The following TBCK variants were observed in gnomAD, a reference collection of about 807,000 sequenced individuals.
TBCK encodes the protein TBC1 domain containing kinase, also known as TBC domain-containing protein kinase-like protein.
Under a neutral mutation model 113.4 loss-of-function variants are expected in TBCK, and 99 were observed. The observed-to-expected ratio is 0.87, with a 90% CI of 0.74 to 1.03. The LOEUF (loss-of-function observed/expected upper bound fraction) is 1.03. Among genes scored for constraint, TBCK ranks in the 50% least tolerant of loss-of-function variants. TBCK has a pLI of 0.00. For missense variants in TBCK, 1,045 were observed against 1,061.3 expected (o/e 0.98, Z 0.21); for synonymous variants, 369 against 370.8 (o/e 1.00, Z 0.05).
intron 22 of TBCK, among the ~76,000 whole-genome samples, chr4:106,181,957 G>A (rs905942373): frequency 6.6e-6 from 1 of 152,142 alleles, no homozygotes; most frequent in African/African-American, 2.4e-5. Flanking sequence ...ATTACTTTGG[G>A]CAGTAAGGCT....
chr4:106,197,411 G>GTGTATATATATATATA (rs35695611), intron 20 of TBCK, among the ~76,000 whole-genome samples: 124 of 122,442 alleles, frequency 1.0e-3, no homozygotes, highest in Admixed American at 1.8e-3. Context: ...GTGTGTGTGT[G>GTGTATATATATATATA]TATATATATA....
rs925949380 is a variant in TBCK at position 106,141,898 on chromosome 4, G to T, written c.2236-25520C>A. On this transcript the variant is annotated intron_variant, in intron 23 of 25. Coordinates refer to ENST00000394708, the MANE Select transcript of TBCK (RefSeq NM_001163435.3). ...ATTCTACAATTTATGTAGAAACACAGCACCAAACACATGGTATAATTATAA... is the reference window on the plus strand; with the variant it reads ...ATTCTACAATTTATGTAGAAACACATCACCAAACACATGGTATAATTATAA... Among the ~76,000 whole-genome samples the T allele has an allele frequency of 2.8e-5, 4 of 140,632 alleles. 1 individual carries two copies. The highest frequency in any genetic ancestry group is 7.0e-5 in the Admixed American group (1 of 14,278). 92.3% of individuals were successfully genotyped at this position (140,632 alleles called of 152,430 possible). A position where few individuals can be genotyped will look rare whatever the true frequency, so the allele number is the denominator to read the frequency against.
At chr4:106,256,037 A>G (rs563621106) in intron 5 of TBCK, among the ~76,000 whole-genome samples, 1 of 152,206 alleles carries the variant, frequency 6.6e-6, no homozygotes, top group South Asian at 2.1e-4. Flanking sequence ...GCTCCTCTCT[A>G]CAGCTGGCCA....
intron 23 of TBCK, among the ~76,000 whole-genome samples, chr4:106,126,277 G>A (rs1011628200): frequency 5.3e-5 from 8 of 152,068 alleles, no homozygotes; most frequent in African/African-American, 1.9e-4. Context: ...ATAATGAGAT[G>A]AGTCATTTCC....
intron 1 of TBCK, among the ~76,000 whole-genome samples, chr4:106,309,666 A>C (rs1767972783): frequency 6.6e-6 from 1 of 152,092 alleles, no homozygotes. Flanking sequence ...CTTCCTTCTC[A>C]TACAGTGAGG....
At chr4:106,248,047 C>T (rs556550588) in intron 9 of TBCK, 198 bp downstream of exon 9, 4 of 381,684 alleles carry the variant, frequency 1.0e-5, no homozygotes, top group East Asian at 8.2e-5. Flanking sequence ...GTTTTCTGAC[C>T]GTAGTTTAAC....
intron 25 of TBCK, among the ~76,000 whole-genome samples, chr4:106,051,384 C>G (rs1262541801): frequency 6.6e-6 from 1 of 151,936 alleles, no homozygotes; most frequent in Non-Finnish European, 1.5e-5. Context: ...TGACAAAGCT[C>G]AAACAGAGAA....
intron 23 of TBCK, among the ~76,000 whole-genome samples, chr4:106,170,288 T>G (rs764980670): frequency 1.3e-5 from 2 of 152,130 alleles, no homozygotes; most frequent in Non-Finnish European, 2.9e-5. Flanking sequence ...TCTTATTCTT[T>G]TCTCTCTCAG....
chr4:106,088,931 C>T (rs758730467), intron 25 of TBCK, among the ~76,000 whole-genome samples: 5 of 152,036 alleles, frequency 3.3e-5, no homozygotes, highest in Non-Finnish European at 4.4e-5. Flanking sequence ...CTGTTGGGTG[C>T]TGGTGGGCGA....
intron 17 of TBCK, among the ~76,000 whole-genome samples, chr4:106,232,291 C>T (rs1173503511): frequency 6.6e-6 from 1 of 151,742 alleles, no homozygotes; most frequent in African/African-American, 2.4e-5. Flanking sequence ...AATCTACCTA[C>T]AACTGTTAGG....
At chr4:106,260,724 A>T (rs1560927334) in intron 4 of TBCK, among the ~76,000 whole-genome samples, 1 of 151,998 alleles carries the variant, frequency 6.6e-6, no homozygotes, top group Non-Finnish European at 1.5e-5. Flanking sequence ...ATATGTATAT[A>T]TGCATATGTA....
intron 25 of TBCK, among the ~76,000 whole-genome samples, chr4:106,077,937 A>T (rs1418375601): frequency 6.6e-6 from 1 of 152,244 alleles, no homozygotes; most frequent in African/African-American, 2.4e-5. Flanking sequence ...AAAAAATTGA[A>T]ATCATACCAA....
At chr4:106,186,807 T>C (rs1212224095) in intron 22 of TBCK, among the ~76,000 whole-genome samples, 1 of 152,138 alleles carries the variant, frequency 6.6e-6, no homozygotes, top group African/African-American at 2.4e-5. Flanking sequence ...CATAAATACT[T>C]TCCCAAGGCC....
At chr4:106,174,766 G>T (rs1405227376) in intron 22 of TBCK, among the ~76,000 whole-genome samples, 1 of 151,888 alleles carries the variant, frequency 6.6e-6, no homozygotes, top group Non-Finnish European at 1.5e-5. Flanking sequence ...CATACTCTGT[G>T]AGATTTCCTA....
chr4:106,219,270 A>C (rs1211811561), intron 19 of TBCK, among the ~76,000 whole-genome samples: 1 of 151,200 alleles, frequency 6.6e-6, no homozygotes, highest in Non-Finnish European at 1.5e-5. Flanking sequence ...ACCTAATGCT[A>C]GATGACGAGT....
chr4:106,088,560 C>T (rs1739786560), intron 25 of TBCK, among the ~76,000 whole-genome samples: 1 of 152,080 alleles, frequency 6.6e-6, no homozygotes, highest in Admixed American at 6.5e-5. Flanking sequence ...GATCTAGAAC[C>T]AGAAAAACCA....
At chr4:106,216,711 T>G (rs1654757367) in intron 19 of TBCK, among the ~76,000 whole-genome samples, 2 of 152,126 alleles carry the variant, frequency 1.3e-5, no homozygotes, top group South Asian at 2.1e-4. Flanking sequence ...GATCTGAGAT[T>G]GTGGCAATAA....
chr4:106,185,223 CTA>C (rs1752877591), intron 22 of TBCK, among the ~76,000 whole-genome samples: 2 of 152,028 alleles, frequency 1.3e-5, no homozygotes, highest in Non-Finnish European at 2.9e-5. Context: ...GTCATTCCCT[CTA>C]TGCTATAAAC....
Position 106,048,797 on chromosome 4 carries a change from G to T in TBCK, c.2572-2117C>A, listed in dbSNP as rs188100968. Among the ~76,000 whole-genome samples, 89 of 152,248 alleles carry T rather than the reference G, an allele frequency of 5.8e-4. 3 individuals are homozygous for T. Among genetic ancestry groups the T allele is most frequent in the Admixed American group, 1.7e-3 (26 of 15,282 alleles). On this transcript the variant is annotated intron_variant, in intron 25 of 25. Transcript: ENST00000394708. ...AATCTCCCTTAAACTATGCTGTAGA[G>T]CTGGAAAGAGTTCTGTTATTGTAAG... is the stretch of plus-strand genomic sequence containing the variant.
Sources: allele counts gnomAD v4.1 joint callset (sites outside exome capture counted in the v4.1 genomes callset), GRCh38; gene constraint gnomAD v4.1.1; transcripts MANE v1.5; gene names NCBI Gene and HGNC (gene_info 2026-07-23, HGNC 2026-07-21).